VWCE: variants seen among roughly 807,000 people sequenced by gnomAD.
VWCE encodes von Willebrand factor C and EGF domains.
In VWCE, 68 loss-of-function variants were observed where a neutral mutation model predicts 102.9. That is an observed-to-expected ratio of 0.66 (90% confidence interval 0.54 to 0.81). The LOEUF is 0.81. Among genes scored for constraint, VWCE ranks in the 30% least tolerant of loss-of-function variants. The probability of loss-of-function intolerance (pLI) is 0.00; values close to 1 mark genes in which losing one functional copy is unlikely to be tolerated. For missense variants in VWCE, 1,137 were observed against 1,263.6 expected (o/e 0.90, Z 1.52); for synonymous variants, 497 against 515.4 (o/e 0.96, Z 0.48).
chr11:61,272,174 AAC>A (rs59208747), intron 13 of VWCE, among the ~76,000 whole-genome samples: 6,766 of 150,440 alleles, frequency 0.045, 526 homozygotes, highest in African/African-American at 0.15. Context: ...ACACAGATAC[AAC>A]ACAGACACAC....
chr11:61,273,340 A>C, intron 12 of VWCE, 24 bp from the exon 13 acceptor site: 1 of 1,594,922 alleles, frequency 6.3e-7, no homozygotes, highest in East Asian at 2.2e-5. Flanking sequence ...CAGGCACAGA[A>C]TGATGAGGGC....
intron 19 of VWCE, 75 bp from the exon 20 acceptor site, chr11:61,259,387 C>G: frequency 8.0e-6 from 12 of 1,497,862 alleles, no homozygotes; most frequent in Non-Finnish European, 9.7e-6. Flanking sequence ...ACAAGGTATA[C>G]CAGGGACACC....
chr11:61,287,113 G>T (rs1855360058), intron 4 of VWCE, among the ~76,000 whole-genome samples: 1 of 151,902 alleles, frequency 6.6e-6, no homozygotes, highest in Non-Finnish European at 1.5e-5. Flanking sequence ...GAAAAAAAAA[G>T]AAAAGAAAAG....
In VWCE at chr11:61,290,779, A is replaced by G. The variant is rs769240134; in HGVS notation, c.424+20T>C. 3.0e-6 allele frequency: 4 copies of G among 1,319,940 alleles called. No individual in the cohort carries two copies. The highest frequency in any genetic ancestry group is 5.7e-5 in the East Asian group (2 of 34,906). 81.8% of individuals were successfully genotyped at this position (1,319,940 alleles called of 1,614,324 possible). On this transcript the variant is annotated intron_variant, in intron 4 of 19. Coordinates refer to ENST00000335613, the MANE Select transcript of VWCE (RefSeq NM_152718.2). ...CCCGCTGTCCCCCTCCCCCTCCCCC[A>G]CCACTCCCAGGCGTCTCACCTGTAC...
intron 4 of VWCE, among the ~76,000 whole-genome samples, chr11:61,289,070 C>G (rs189270925): frequency 1.3e-5 from 2 of 152,102 alleles, no homozygotes; most frequent in African/African-American, 4.8e-5. Flanking sequence ...GAACCCCTGA[C>G]CTCGTGATCC....
At chr11:61,277,052 G>A (rs1208478634) in intron 10 of VWCE, among the ~76,000 whole-genome samples, 3 of 113,752 alleles carry the variant, frequency 2.6e-5, no homozygotes, top group Admixed American at 1.8e-4. Context: ...GGAAGGAAGG[G>A]AGGGAGGGAG....
At position 61,280,999 on chromosome 11, in the gene VWCE, CCAGCAGGGTGGA is replaced by C. The variant is rs1463482782; in HGVS notation, c.1012_1023del (p.Ser338_Leu341del). 6.4e-7 allele frequency: 1 copy of C among 1,555,484 alleles called. No homozygotes were observed. Among genetic ancestry groups the C allele is most frequent in the Non-Finnish European group, 8.7e-7 (1 of 1,151,112 alleles). On this transcript the variant is annotated inframe_deletion, in exon 8 of 20. Coordinates refer to ENST00000335613, the MANE Select transcript of VWCE (RefSeq NM_152718.2). ...AGGGAGGCAGTAGGCACTGGGGTGG[CCAGCAGGGTGGA>C]CAGCAGCCACACAGGGGCAGAAGGG...
chr11:61,258,881 GCCA>G lies in VWCE; in HGVS notation c.2659_2661del (p.Trp887del). The G allele has an allele frequency of 6.6e-7, 1 of 1,520,080 alleles. No homozygotes were observed. Among genetic ancestry groups the G allele is most frequent in the Non-Finnish European group, 8.8e-7 (1 of 1,136,220 alleles). The allele number at this position is 1,520,080 out of a possible 1,614,324, so 94.2% of individuals were successfully genotyped here. A position where few individuals can be genotyped will look rare whatever the true frequency, so the allele number is the denominator to read the frequency against. The stretch of plus-strand genomic sequence containing the variant: ...GTCAGGAGGGTGCCAGGCAGAGGAG[GCCA>G]CCTGGACACTATCTGGGCCCCAGAG... On this transcript the variant is annotated inframe_deletion, in exon 20 of 20. Coordinates refer to ENST00000335613, the MANE Select transcript of VWCE (RefSeq NM_152718.2).
intron 5 of VWCE, 43 bp from the exon 6 acceptor site, chr11:61,282,948 G>C (rs2134824536): frequency 6.6e-7 from 1 of 1,525,424 alleles, no homozygotes; most frequent in East Asian, 2.3e-5. Context: ...TTCCCCAACA[G>C]AACCTTGGAA....
intron 19 of VWCE, among the ~76,000 whole-genome samples, chr11:61,263,042 C>T (rs921305585): frequency 6.6e-6 from 1 of 152,218 alleles, no homozygotes; most frequent in Non-Finnish European, 1.5e-5. Context: ...ATTACAGGCT[C>T]ACGCCTGTAA....
intron 6 of VWCE, 112 bp from the exon 7 acceptor site, chr11:61,282,026 G>A: frequency 5.5e-6 from 8 of 1,467,598 alleles, no homozygotes; most frequent in Non-Finnish European, 7.3e-6. Flanking sequence ...GTTCTTACAG[G>A]GTCCATGCCT....
Position 61,267,544 on chromosome 11 carries a change from C to G in VWCE, c.1883G>C (p.Gly628Ala). 1 of 1,614,026 alleles carries G rather than the reference C, an allele frequency of 6.2e-7. No homozygotes were observed. Among genetic ancestry groups the G allele is most frequent in the Non-Finnish European group, 8.5e-7 (1 of 1,179,988 alleles). ...GAAGATTCTGCCTGTGTAGGTGCAG[C>G]CTGCCAGAGAGAGCATGCGCTGAGC... is the stretch of plus-strand genomic sequence containing the variant. ...PGQCCPDCSAGCTYTGRIFYN... is the reference protein window; with the variant it reads ...PGQCCPDCSAACTYTGRIFYN... Residue 628 changes from glycine to alanine, a missense_variant and splice_region_variant, in exon 16 of 20, where the codon GGC (glycine) becomes GCC (alanine). By Grantham distance (60) the Gly-to-Ala change is moderately conservative. Coordinates refer to ENST00000335613, the MANE Select transcript of VWCE (RefSeq NM_152718.2).
At chr11:61,272,118 GCA>G (rs909904339) in intron 13 of VWCE, among the ~76,000 whole-genome samples, 1 of 150,892 alleles carries the variant, frequency 6.6e-6, no homozygotes. Flanking sequence ...AGACACACAT[GCA>G]CACAGACACA....
chr11:61,269,969 G>A (rs528903869), intron 14 of VWCE, among the ~76,000 whole-genome samples: 2 of 149,182 alleles, frequency 1.3e-5, no homozygotes, highest in Admixed American at 6.7e-5. Context: ...CCAGACTGGA[G>A]TGCAGTGGCT....
chr11:61,288,847 T>G (rs1855412534), intron 4 of VWCE, among the ~76,000 whole-genome samples: 1 of 151,606 alleles, frequency 6.6e-6, no homozygotes, highest in Non-Finnish European at 1.5e-5. Context: ...GCGTTTTTTT[T>G]TTTTTTTTTG....
chr11:61,282,021 T>TGC (rs1855159670), intron 6 of VWCE, 107 bp from the exon 7 acceptor site: 1 of 1,507,032 alleles, frequency 6.6e-7, no homozygotes, highest in South Asian at 1.4e-5. Flanking sequence ...GCCATGTTCT[T>TGC]ACAGGGTCCA....
Position 61,291,565 on chromosome 11 carries a change from C to T in VWCE, c.122G>A (p.Gly41Asp). ...AAACCCAGAGAGGCAGACGTGGGGG[C>T]CCAGTCGGCGTCTGCAAGAGAAGAG... ...GHFAAERRRL[G>D]PHVCLSGFGS... is the part of the protein sequence containing the mutation. Residue 41 changes from glycine (G) to aspartate (D), a missense_variant, in exon 2 of 20, where the codon GGC (glycine) becomes GAC (aspartate). Around this residue, in one of 5 missense-constraint regions of VWCE, gnomAD observed 575 missense variants for 625.9 expected, o/e 0.92. Transcript: ENST00000335613. 6.9e-7 allele frequency: 1 copy of T among 1,445,386 alleles called. No individual in the cohort carries two copies. The highest frequency in any genetic ancestry group is 2.5e-5 in the East Asian group (1 of 39,438). The allele number at this position is 1,445,386 out of a possible 1,614,324, so 89.5% of individuals were successfully genotyped here. A position where few individuals can be genotyped will look rare whatever the true frequency, so the allele number is the denominator to read the frequency against.
rs754551158 is a variant in VWCE at position 61,258,652 on chromosome 11, G to A, written c.*23C>T. 3.0e-6 allele frequency: 4 copies of A among 1,351,774 alleles called. No homozygotes were observed. The South Asian group carries it at 1.1e-4, about 37-fold the overall frequency. 83.7% of individuals were successfully genotyped at this position (1,351,774 alleles called of 1,614,324 possible). On this transcript the variant is annotated 3_prime_UTR_variant, in exon 20 of 20. Transcript: ENST00000335613. ...CACTGGCAGAGGTCCTCTCTCCAGA[G>A]TCTCCCGGACACAGTGACCTCCTTA...
chr11:61,268,046 C>T (rs1854563586), intron 15 of VWCE, among the ~76,000 whole-genome samples: 1 of 151,382 alleles, frequency 6.6e-6, no homozygotes, highest in Non-Finnish European at 1.5e-5. Context: ...AGTGTAAAAG[C>T]AGGTGATGAG....
Sources: gnomAD v4.1 joint callset for allele counts (sites outside exome capture counted in the v4.1 genomes callset) on GRCh38, gnomAD v4.1.1 for gene constraint, gnomAD v4.1.1 regional missense constraint, MANE v1.5 for transcripts, NCBI Gene and HGNC (gene_info 2026-07-23, HGNC 2026-07-21) for gene names.